Variants in PDZD2 observed in about 807,000 individuals in gnomAD.
The protein encoded by PDZD2 is PDZ domain-containing protein 2.
PDZD2 carries 90 observed loss-of-function variants against 220.7 expected under a neutral mutation model. The observed-to-expected ratio is 0.41, with a 90% CI of 0.34 to 0.49. PDZD2 has a LOEUF of 0.49. PDZD2 is among the 20% of genes least tolerant of loss of function. The pLI, the probability that PDZD2 is intolerant of heterozygous loss-of-function variation, is 0.28. For synonymous variants in PDZD2, 1,375 were observed against 1,450.5 expected, an observed-to-expected ratio of 0.95 and a Z score of 1.18; for missense variants, 3,174 against 3,608.5, an observed-to-expected ratio of 0.88 and a Z score of 3.08.
chr5:31,736,330 C>T (rs1749861164), intron 1 of PDZD2, among the ~76,000 whole-genome samples: 1 of 152,162 alleles, frequency 6.6e-6, no homozygotes, highest in East Asian at 1.9e-4. Flanking sequence ...GGATCTGTTA[C>T]AGGCTCGGCT....
In PDZD2 at chr5:32,109,955, AG is replaced by A. The variant is rs1745214518; in HGVS notation, c.*1822del. The A allele has an allele frequency of 6.6e-6, 1 of 152,644 alleles. No homozygotes were observed. Among genetic ancestry groups the A allele is most frequent in the African/African-American group, 2.4e-5 (1 of 41,446 alleles). The allele number at this position is 152,644 out of a possible 1,614,324, so 9.5% of individuals were successfully genotyped here. ...AATATGGTACAGGAGTTAGTTAGAA[AG>A]GTCTTATTGATTTTACTTCTACTTT... On this transcript the variant is annotated 3_prime_UTR_variant, in exon 25 of 25. Coordinates refer to ENST00000438447, the MANE Select transcript of PDZD2 (RefSeq NM_178140.4).
chr5:31,914,294 G>A (rs953703050), intron 2 of PDZD2, among the ~76,000 whole-genome samples: 1 of 152,330 alleles, frequency 6.6e-6, no homozygotes, highest in African/African-American at 2.4e-5. Flanking sequence ...TACTTTGGGG[G>A]GCTGAGGCGG....
rs182935708 is a variant in PDZD2, at chr5:31,872,082, G to A, written c.476+72358G>A. On this transcript the variant is annotated intron_variant, in intron 2 of 24. Coordinates refer to ENST00000438447, the MANE Select transcript of PDZD2 (RefSeq NM_178140.4). ...AAGGGGTACCAACTTATCTTTGGGAGTCACTTCATATCAGGGCATGTGTGG... is the reference window on the plus strand; with the variant it reads ...AAGGGGTACCAACTTATCTTTGGGAATCACTTCATATCAGGGCATGTGTGG... Among the ~76,000 whole-genome samples, 11 of 152,264 alleles carry A rather than the reference G, an allele frequency of 7.2e-5. No individual in the cohort carries two copies. The East Asian group carries it at 1.9e-3, about 27-fold the overall frequency.
chr5:31,657,988 T>C (rs1745615640), intron 1 of PDZD2, among the ~76,000 whole-genome samples: 1 of 152,206 alleles, frequency 6.6e-6, no homozygotes, highest in African/African-American at 2.4e-5. Context: ...TTTCCTTTAG[T>C]TGCCCCCACC....
chr5:31,707,395 T>C (rs1474261447), intron 1 of PDZD2, among the ~76,000 whole-genome samples: 1 of 152,114 alleles, frequency 6.6e-6, no homozygotes, highest in Admixed American at 6.6e-5. Flanking sequence ...GTGCTTGCTC[T>C]CTTTCTGCTC....
At position 31,784,838 on chromosome 5, in the gene PDZD2, T is replaced by G. The variant is rs1381839448; in HGVS notation, c.-360-14051T>G. 2.0e-5 allele frequency among the ~76,000 whole-genome samples: 3 copies of G among 150,496 alleles called. No homozygotes were observed. In the East Asian group the frequency reaches 5.8e-4, roughly 29 times the overall value. ...AGAAGAATCGCTTGAACCCGGGAGGTGGAGGTTGCAGTGAGCCGAGATTGC... is the reference window on the plus strand; with the variant it reads ...AGAAGAATCGCTTGAACCCGGGAGGGGGAGGTTGCAGTGAGCCGAGATTGC... On this transcript the variant is annotated intron_variant, in intron 1 of 24. Coordinates refer to ENST00000438447, the MANE Select transcript of PDZD2 (RefSeq NM_178140.4).
chr5:31,808,329 C>T (rs1159675226), intron 2 of PDZD2, among the ~76,000 whole-genome samples: 3 of 152,156 alleles, frequency 2.0e-5, no homozygotes, highest in Admixed American at 6.5e-5. Context: ...TTTCCCTTAC[C>T]GGTTAAAACG....
chr5:31,792,424 T>G (rs1200487726), intron 1 of PDZD2, among the ~76,000 whole-genome samples: 1 of 152,166 alleles, frequency 6.6e-6, no homozygotes, highest in African/African-American at 2.4e-5. Context: ...TGGTTTGTTT[T>G]GTTTTGTTTT....
rs1358608532 is a variant in PDZD2 at position 31,930,220 on chromosome 5, TTTTTG to T, written c.477-52934_477-52930del. On this transcript the variant is annotated intron_variant, in intron 2 of 24. Coordinates refer to ENST00000438447, the MANE Select transcript of PDZD2 (RefSeq NM_178140.4). ...TCTTTTTTTTTTTTTTTTTTTTTTT[TTTTTG>T]GAGACAGTCTCGCTCTGTCGCCCAG... Among the ~76,000 whole-genome samples, 16 of 22,882 alleles carry T rather than the reference TTTTTG, an allele frequency of 7.0e-4. 1 individual carries two copies. The highest frequency in any genetic ancestry group is 2.4e-3 in the African/African-American group (16 of 6,572). 15.0% of individuals were successfully genotyped at this position (22,882 alleles called of 152,430 possible).
intron 1 of PDZD2, among the ~76,000 whole-genome samples, chr5:31,669,011 G>T (rs76420454): frequency 6.6e-6 from 1 of 152,184 alleles, no homozygotes; most frequent in Non-Finnish European, 1.5e-5. Context: ...GGTTCTCTGC[G>T]ATGGGTGACT....
chr5:32,000,108 A>G lies in PDZD2; in HGVS notation c.1122-31A>G, dbSNP rs763982526. On this transcript the variant is annotated intron_variant, in intron 4 of 24. Transcript: ENST00000438447. The surrounding 1 kb of genome is among the most constrained non-coding windows in gnomAD (Gnocchi z 4.5). ...TTCTCAGGCCCAGAATGTCTTGACA[A>G]GGGATCTTTTTCCCATCTCCCTTTC... 1.9e-6 allele frequency: 3 copies of G among 1,611,676 alleles called. No individual in the cohort carries two copies. In the Admixed American group the frequency reaches 5.0e-5, roughly 27 times the overall value.
intron 2 of PDZD2, among the ~76,000 whole-genome samples, chr5:31,870,766 G>A (rs1738719005): frequency 6.6e-6 from 1 of 151,982 alleles, no homozygotes; most frequent in African/African-American, 2.4e-5. Flanking sequence ...GTGGGCACCT[G>A]TAATCCCAGC....
intron 15 of PDZD2, among the ~76,000 whole-genome samples, chr5:32,070,599 T>C (rs1415497912): frequency 6.6e-6 from 1 of 152,252 alleles, no homozygotes; most frequent in East Asian, 1.9e-4. Context: ...AGTCATCTTC[T>C]CAGTTCTTTC....
chr5:32,001,597 C>T (rs1404722504), intron 5 of PDZD2, among the ~76,000 whole-genome samples: 2 of 152,220 alleles, frequency 1.3e-5, no homozygotes, highest in African/African-American at 4.8e-5. Flanking sequence ...ACGCCCCAGG[C>T]AGGCCAGAGC....
chr5:31,818,013 A>G lies in PDZD2; in HGVS notation c.476+18289A>G, dbSNP rs565033884. Among the ~76,000 whole-genome samples the G allele has an allele frequency of 9.1e-4, 124 of 136,218 alleles. 5 individuals are homozygous for G. The South Asian group carries it at 0.026, about 29-fold the overall frequency. The allele number at this position is 136,218 out of a possible 152,430, so 89.4% of individuals were successfully genotyped here. A position where few individuals can be genotyped will look rare whatever the true frequency, so the allele number is the denominator to read the frequency against. ...TAGACAAGGTCTGTGTCTGTCACTC[A>G]AGCTGGAGTGCAATGGCACGATCAC... On this transcript the variant is annotated intron_variant, in intron 2 of 24. Transcript: ENST00000438447.
intron 2 of PDZD2, among the ~76,000 whole-genome samples, chr5:31,942,754 C>T (rs184636508): frequency 9.8e-5 from 15 of 152,302 alleles, no homozygotes; most frequent in Middle Eastern, 3.4e-3. Flanking sequence ...CTCATGGTGT[C>T]GTGACTACTT....
At chr5:31,644,730 G>GT (rs149861340) in intron 1 of PDZD2, among the ~76,000 whole-genome samples, 9,176 of 152,248 alleles carry the variant, frequency 0.06, 336 homozygotes, top group Non-Finnish European at 0.077. Flanking sequence ...ACCAGAATGC[G>GT]TTCTGAGTGA....
At chr5:31,687,916 G>A (rs1204709219) in intron 1 of PDZD2, among the ~76,000 whole-genome samples, 1 of 152,138 alleles carries the variant, frequency 6.6e-6, no homozygotes, top group Non-Finnish European at 1.5e-5. Context: ...CAGTCACATG[G>A]TGGGTTAGGG....
chr5:31,705,227 C>G (rs184757430), intron 1 of PDZD2, among the ~76,000 whole-genome samples: 129 of 151,666 alleles, frequency 8.5e-4, no homozygotes, highest in African/African-American at 3.0e-3. Context: ...CTCACACTCA[C>G]TCTACTGGCT....
Sources: allele counts gnomAD v4.1 joint callset (sites outside exome capture counted in the v4.1 genomes callset), GRCh38; gene constraint gnomAD v4.1.1; non-coding constraint Gnocchi (gnomAD v3.1); transcripts MANE v1.5; gene names NCBI Gene and HGNC (gene_info 2026-07-23, HGNC 2026-07-21).